The following CCDC50 variants were observed in gnomAD, a reference collection of about 807,000 sequenced individuals.
The protein encoded by CCDC50 is coiled-coil domain containing 50, also known as coiled-coil domain-containing protein 50.
A neutral mutation model predicts 70.2 loss-of-function variants in CCDC50; 54 were observed. The ratio of observed to expected loss-of-function variants is 0.77; its 90% CI spans 0.62 to 0.96. The LOEUF is 0.96. CCDC50 is among the 50% of genes least tolerant of loss of function. The pLI is 0.00. For missense variants in CCDC50, 558 were observed against 578.7 expected, an observed-to-expected ratio of 0.96 and a Z score of 0.37; for synonymous variants, 216 against 198.8, an observed-to-expected ratio of 1.09 and a Z score of -0.73.
At chr3:191,368,571 A>C (rs1712783673) in intron 4 of CCDC50, among the ~76,000 whole-genome samples, 1 of 152,080 alleles carries the variant, frequency 6.6e-6, no homozygotes, top group African/African-American at 2.4e-5. Flanking sequence ...ATGTGAAAAA[A>C]ATTAATTCAC....
At chr3:191,345,362 A>G (rs1267491871) in intron 1 of CCDC50, among the ~76,000 whole-genome samples, 1 of 152,206 alleles carries the variant, frequency 6.6e-6, no homozygotes, top group Admixed American at 6.5e-5. Context: ...TAAACCTTAT[A>G]TGGAAAGTTT....
chr3:191,371,601 T>C (rs1712915229), intron 5 of CCDC50, among the ~76,000 whole-genome samples: 1 of 152,216 alleles, frequency 6.6e-6, no homozygotes, highest in Admixed American at 6.5e-5. Flanking sequence ...AGTGTATATG[T>C]AGATAATGGG....
At chr3:191,340,748 C>T (rs1369279) in intron 1 of CCDC50, among the ~76,000 whole-genome samples, 12,962 of 152,188 alleles carry the variant, frequency 0.085, 677 homozygotes, top group East Asian at 0.24. Flanking sequence ...CTCCCTCAGG[C>T]GGACATATGA....
chr3:191,347,562 A>T lies in CCDC50; in HGVS notation c.50-9526A>T, dbSNP rs1233521157. Among the ~76,000 whole-genome samples, 5 of 142,272 alleles carry T rather than the reference A, an allele frequency of 3.5e-5. No homozygotes were observed. In the East Asian group the frequency reaches 9.6e-4, roughly 27 times the overall value. 93.3% of individuals were successfully genotyped at this position (142,272 alleles called of 152,430 possible). On this transcript the variant is annotated intron_variant, in intron 1 of 11. Coordinates refer to ENST00000392455, the MANE Select transcript of CCDC50 (RefSeq NM_178335.3). ...ACAGTGCCACTCATTTAACTATGCGATCTTGGGCATATTATTACAAATCTC... is the reference window on the plus strand; with the variant it reads ...ACAGTGCCACTCATTTAACTATGCGTTCTTGGGCATATTATTACAAATCTC...
chr3:191,345,760 C>T (rs887744617), intron 1 of CCDC50, among the ~76,000 whole-genome samples: 1 of 151,824 alleles, frequency 6.6e-6, no homozygotes, highest in Non-Finnish European at 1.5e-5. Flanking sequence ...AACTCAGGAA[C>T]ATACTTTGAT....
chr3:191,368,860 A>G (rs991799608), intron 4 of CCDC50, among the ~76,000 whole-genome samples: 6 of 152,112 alleles, frequency 3.9e-5, no homozygotes, highest in African/African-American at 9.7e-5. Context: ...GCATGAACAT[A>G]TAAGTTTACA....
chr3:191,329,563 C>G lies in CCDC50; in HGVS notation c.-112C>G. 9.1e-7 allele frequency: 1 copy of G among 1,094,580 alleles called. No individual in the cohort carries two copies. The highest frequency in any genetic ancestry group is 1.3e-6 in the Non-Finnish European group (1 of 780,346). 67.8% of individuals were successfully genotyped at this position (1,094,580 alleles called of 1,614,324 possible). A position where few individuals can be genotyped will look rare whatever the true frequency, so the allele number is the denominator to read the frequency against. ...TCCGTTCTCCGGCCTGCGAGCCCTGCCGGCCGGACTTTGCGCCGCGTCCGG... is the reference window on the plus strand; with the variant it reads ...TCCGTTCTCCGGCCTGCGAGCCCTGGCGGCCGGACTTTGCGCCGCGTCCGG... On this transcript the variant is annotated 5_prime_UTR_variant, in exon 1 of 12. Coordinates refer to ENST00000392455, the MANE Select transcript of CCDC50 (RefSeq NM_178335.3).
rs1421363155 is a variant in CCDC50, at chr3:191,394,182, A to G, written c.*2422A>G. On this transcript the variant is annotated 3_prime_UTR_variant, in exon 12 of 12. Transcript: ENST00000392455. ...TCAACATCTTTATTGAAAATTTGTT[A>G]CTTTTTTTAAAGGTTTTTAAAAGAT... is the stretch of plus-strand genomic sequence containing the variant. 6.6e-6 allele frequency: 1 copy of G among 152,124 alleles called. No individual in the cohort carries two copies. The highest frequency in any genetic ancestry group is 1.9e-4 in the East Asian group (1 of 5,198). The allele number at this position is 152,124 out of a possible 1,614,324, so 9.4% of individuals were successfully genotyped here.
At chr3:191,378,708 T>G (rs1435067186) in intron 6 of CCDC50, among the ~76,000 whole-genome samples, 1 of 150,402 alleles carries the variant, frequency 6.6e-6, no homozygotes, top group Non-Finnish European at 1.5e-5. Context: ...TTTCAGATGG[T>G]CCACTCTTGG....
Position 191,392,694 on chromosome 3 carries a change from A to C in CCDC50, c.*934A>C, listed in dbSNP as rs1713734679. 1.3e-5 allele frequency: 2 copies of C among 152,330 alleles called. No individual in the cohort carries two copies. Among genetic ancestry groups the C allele is most frequent in the Non-Finnish European group, 2.9e-5 (2 of 68,036 alleles). The allele number at this position is 152,330 out of a possible 1,614,324, so 9.4% of individuals were successfully genotyped here. On this transcript the variant is annotated 3_prime_UTR_variant, in exon 12 of 12. Coordinates refer to ENST00000392455, the MANE Select transcript of CCDC50 (RefSeq NM_178335.3). ...ATTAAATTAATTCAACATGAAGTTG[A>C]ATTTGATGAAGTGGTCATCTATCCA...
At position 191,329,656 on chromosome 3, in the gene CCDC50, A is replaced by T; in HGVS notation, c.-19A>T. The stretch of plus-strand genomic sequence containing the variant: ...CCGGGAAGCCCGCGTTAAAGGGGCA[A>T]CCGGGACCCTGGCCCGGTATGGCTG... On this transcript the variant is annotated 5_prime_UTR_variant, in exon 1 of 12. Transcript: ENST00000392455. 1 of 1,605,692 alleles carries T rather than the reference A, an allele frequency of 6.2e-7. No individual in the cohort carries two copies. The highest frequency in any genetic ancestry group is 8.5e-7 in the Non-Finnish European group (1 of 1,176,914).
intron 10 of CCDC50, among the ~76,000 whole-genome samples, chr3:191,383,051 A>T (rs894587369): frequency 2.6e-5 from 4 of 152,174 alleles, no homozygotes; most frequent in African/African-American, 4.8e-5. Flanking sequence ...TGGATAAGGA[A>T]GAATGTACTT....
chr3:191,365,373 ATTCT>A (rs1358894096), intron 4 of CCDC50, among the ~76,000 whole-genome samples: 1 of 151,954 alleles, frequency 6.6e-6, no homozygotes, highest in Non-Finnish European at 1.5e-5. Context: ...ATATTTACAC[ATTCT>A]TTGGTAATAT....
intron 6 of CCDC50, among the ~76,000 whole-genome samples, chr3:191,379,663 A>G (rs988317361): frequency 1.3e-5 from 2 of 152,116 alleles, no homozygotes; most frequent in Non-Finnish European, 2.9e-5. Flanking sequence ...TCTCACAGGT[A>G]TTATCACATG....
At chr3:191,334,019 A>C (rs1006957763) in intron 1 of CCDC50, among the ~76,000 whole-genome samples, 6 of 152,150 alleles carry the variant, frequency 3.9e-5, no homozygotes, top group African/African-American at 1.4e-4. Context: ...AAATTTTCTA[A>C]ATGCTATTTT....
At chr3:191,387,190 T>C (rs1045019428) in intron 10 of CCDC50, among the ~76,000 whole-genome samples, 5 of 152,174 alleles carry the variant, frequency 3.3e-5, no homozygotes, top group Non-Finnish European at 5.9e-5. Flanking sequence ...ATAACTGTTA[T>C]GATTGTGTTA....
At chr3:191,366,545 G>A (rs967438974) in intron 4 of CCDC50, among the ~76,000 whole-genome samples, 1 of 152,038 alleles carries the variant, frequency 6.6e-6, no homozygotes, top group Non-Finnish European at 1.5e-5. Context: ...GACTTTAAAA[G>A]AGCTTAAGAG....
At chr3:191,370,343 G>T (rs368791573) in intron 5 of CCDC50, 158 of 340,446 alleles carry the variant, frequency 4.6e-4, no homozygotes, top group Non-Finnish European at 3.3e-4. Context: ...TAGGTATATC[G>T]CCTAATGCTA....
At chr3:191,338,687 G>C (rs1711605492) in intron 1 of CCDC50, among the ~76,000 whole-genome samples, 1 of 152,090 alleles carries the variant, frequency 6.6e-6, no homozygotes, top group South Asian at 2.1e-4. Context: ...TTTCCCCATT[G>C]AAGCTCCATA....
Sources: gnomAD v4.1 joint callset for allele counts (sites outside exome capture counted in the v4.1 genomes callset) on GRCh38, gnomAD v4.1.1 for gene constraint, MANE v1.5 for transcripts, NCBI Gene and HGNC (gene_info 2026-07-23, HGNC 2026-07-21) for gene names.